The following CHCHD3 variants were observed in gnomAD, a reference collection of about 807,000 sequenced individuals.
CHCHD3 encodes the protein MICOS complex subunit MIC19.
CHCHD3 carries 20 observed loss-of-function variants against 38.2 expected under a neutral mutation model. The observed-to-expected ratio is 0.52, with a 90% CI of 0.37 to 0.76. The LOEUF is 0.76. CHCHD3 is among the 30% of genes least tolerant of loss of function. The pLI is 0.00. For synonymous variants in CHCHD3, 82 were observed against 100.0 expected (o/e 0.82, Z 1.07); for missense variants, 245 against 279.2 (o/e 0.88, Z 0.87).
chr7:132,814,173 T>G (rs1454281967), intron 6 of CHCHD3, among the ~76,000 whole-genome samples: 1 of 152,226 alleles, frequency 6.6e-6, no homozygotes, highest in Non-Finnish European at 1.5e-5. Context: ...AAACCAGTAT[T>G]CAAACAGGCC....
chr7:132,997,446 T>C (rs564751131), intron 3 of CHCHD3, among the ~76,000 whole-genome samples: 16 of 152,170 alleles, frequency 1.1e-4, no homozygotes, highest in African/African-American at 3.4e-4. Context: ...TTACTGTCAC[T>C]GTACCAAAAA....
intron 6 of CHCHD3, among the ~76,000 whole-genome samples, chr7:132,805,393 G>C (rs1051738612): frequency 2.0e-5 from 3 of 152,048 alleles, no homozygotes; most frequent in Non-Finnish European, 4.4e-5. Context: ...CAGAGTGAAG[G>C]GCAGGACTGT....
chr7:132,798,695 G>A (rs1371645937), intron 6 of CHCHD3, among the ~76,000 whole-genome samples: 1 of 152,108 alleles, frequency 6.6e-6, no homozygotes, highest in East Asian at 1.9e-4. Flanking sequence ...CAGATATGCA[G>A]CCCTTCCTCA....
rs570267120 is a variant in CHCHD3 at position 133,042,637 on chromosome 7, G to C, written c.170-18010C>G. Among the ~76,000 whole-genome samples the C allele has an allele frequency of 3.0e-4, 45 of 152,104 alleles. 1 individual carries two copies. Among genetic ancestry groups the C allele is most frequent in the Non-Finnish European group, 5.6e-4 (38 of 68,038 alleles). On this transcript the variant is annotated intron_variant, in intron 2 of 7. Transcript: ENST00000262570. ...TTTCATACAATCACTCTCTGATGCA[G>C]AAACCGGGAAGATGTTCCATGTCCC...
intron 6 of CHCHD3, among the ~76,000 whole-genome samples, chr7:132,800,390 G>T (rs377089840): frequency 6.6e-6 from 1 of 152,118 alleles, no homozygotes; most frequent in African/African-American, 2.4e-5. Context: ...AGTTACACTC[G>T]GTTATCTGTT....
chr7:132,898,768 G>A (rs1349846020), intron 4 of CHCHD3, among the ~76,000 whole-genome samples: 2 of 152,250 alleles, frequency 1.3e-5, no homozygotes, highest in African/African-American at 2.4e-5. Flanking sequence ...GGCAGCTAAG[G>A]CCCGGCGAGA....
intron 5 of CHCHD3, among the ~76,000 whole-genome samples, chr7:132,840,257 C>T (rs904601906): frequency 2.0e-5 from 3 of 152,168 alleles, no homozygotes; most frequent in African/African-American, 7.2e-5. Flanking sequence ...TTCCTTTGAA[C>T]CCTTCTAACA....
At chr7:132,973,514 T>C in intron 4 of CHCHD3, 1 of 985,502 alleles carries the variant, frequency 1.0e-6, no homozygotes, top group Non-Finnish European at 1.2e-6. Context: ...AATGACTGAC[T>C]TTGCTTCCAC....
intron 6 of CHCHD3, among the ~76,000 whole-genome samples, chr7:132,832,581 T>G (rs1278666192): frequency 6.6e-6 from 1 of 152,140 alleles, no homozygotes; most frequent in Non-Finnish European, 1.5e-5. Context: ...GTATCAATTG[T>G]CCTGTAAAAT....
chr7:132,919,699 C>G (rs1810210924), intron 4 of CHCHD3, among the ~76,000 whole-genome samples: 1 of 152,158 alleles, frequency 6.6e-6, no homozygotes, highest in African/African-American at 2.4e-5. Context: ...GCACACTAAG[C>G]TTTGAGTGGC....
At chr7:133,061,696 TG>T in intron 2 of CHCHD3, among the ~76,000 whole-genome samples, 1 of 152,202 alleles carries the variant, frequency 6.6e-6, no homozygotes, top group Non-Finnish European at 1.5e-5. Context: ...ACCCTGTAAC[TG>T]AAAGTAATTT....
At chr7:133,013,310 G>C (rs1812935946) in intron 3 of CHCHD3, among the ~76,000 whole-genome samples, 5 of 151,626 alleles carry the variant, frequency 3.3e-5, no homozygotes, top group Non-Finnish European at 5.9e-5. Context: ...GGTGACTCCA[G>C]ATGCCGACTG....
chr7:133,069,997 C>A, intron 2 of CHCHD3, 145 bp downstream of exon 2: 3 of 605,454 alleles, frequency 5.0e-6, no homozygotes, highest in South Asian at 2.5e-5. Flanking sequence ...TAAAAGAAAC[C>A]CCAATACTGA....
chr7:133,019,382 TG>T (rs1284065249), intron 3 of CHCHD3, among the ~76,000 whole-genome samples: 1 of 152,184 alleles, frequency 6.6e-6, no homozygotes, highest in Admixed American at 6.5e-5. Flanking sequence ...GTACCATCCC[TG>T]TAAATTTCAC....
chr7:132,922,013 G>C lies in CHCHD3; in HGVS notation c.370-36268C>G, dbSNP rs562531874. Among the ~76,000 whole-genome samples, 399 of 152,336 alleles carry C rather than the reference G, an allele frequency of 2.6e-3. 4 individuals carry two copies. Among genetic ancestry groups the C allele is most frequent in the African/African-American group, 9.1e-3 (380 of 41,576 alleles). ...TCCATAAGAAGTGCAGAGAAGAGCTGCCTCACTTCTACAGCTTTTCCTTGA... is the reference window on the plus strand; with the variant it reads ...TCCATAAGAAGTGCAGAGAAGAGCTCCCTCACTTCTACAGCTTTTCCTTGA... On this transcript the variant is annotated intron_variant, in intron 4 of 7. Transcript: ENST00000262570.
chr7:133,060,282 T>C (rs1814465730), intron 2 of CHCHD3, among the ~76,000 whole-genome samples: 2 of 151,546 alleles, frequency 1.3e-5, no homozygotes, highest in South Asian at 4.2e-4. Context: ...CAAGGGGGAG[T>C]GCTGAAGGAA....
At chr7:132,820,329 G>C (rs1807327087) in intron 6 of CHCHD3, among the ~76,000 whole-genome samples, 1 of 152,142 alleles carries the variant, frequency 6.6e-6, no homozygotes, top group African/African-American at 2.4e-5. Context: ...TTGTAAGTAA[G>C]CTTATAAACT....
chr7:132,877,320 C>T (rs1241507053), intron 5 of CHCHD3, among the ~76,000 whole-genome samples: 2 of 152,112 alleles, frequency 1.3e-5, no homozygotes, highest in Admixed American at 1.3e-4. Flanking sequence ...AAGGATAAGA[C>T]CCCCATATCC....
intron 6 of CHCHD3, among the ~76,000 whole-genome samples, chr7:132,801,504 T>G (rs1806793373): frequency 6.6e-6 from 1 of 152,238 alleles, no homozygotes; most frequent in Non-Finnish European, 1.5e-5. Context: ...CTATTTCTTT[T>G]GATTACTAAC....
Sources: gnomAD v4.1 joint callset for allele counts (sites outside exome capture counted in the v4.1 genomes callset) on GRCh38, gnomAD v4.1.1 for gene constraint, MANE v1.5 for transcripts, NCBI Gene and HGNC (gene_info 2026-07-23, HGNC 2026-07-21) for gene names.